CLVS1: variants seen among roughly 807,000 people sequenced by gnomAD.
The protein encoded by CLVS1 is clavesin-1.
In CLVS1, 10 loss-of-function variants were observed where a neutral mutation model predicts 33.1. That is an observed-to-expected ratio of 0.30 (90% CI 0.19 to 0.51). The LOEUF (loss-of-function observed/expected upper bound fraction) is 0.51, where lower values mean the gene tolerates loss of function less well. Among genes scored for constraint, CLVS1 ranks in the 20% least tolerant of loss-of-function variants. CLVS1 has a pLI of 0.97. For synonymous variants in CLVS1, 163 were observed against 166.1 expected, an observed-to-expected ratio of 0.98 and a Z score of 0.14; for missense variants, 343 against 433.4, an observed-to-expected ratio of 0.79 and a Z score of 1.85.
At chr8:61,166,884 T>C (rs1233894557) in intron 2 of CLVS1, among the ~76,000 whole-genome samples, 5 of 150,678 alleles carry the variant, frequency 3.3e-5, no homozygotes, top group South Asian at 4.1e-4. Flanking sequence ...TTTTTTTCTT[T>C]TTTTTCTTTT....
At chr8:61,270,654 T>C (rs1201819518) in intron 2 of CLVS1, among the ~76,000 whole-genome samples, 2 of 152,194 alleles carry the variant, frequency 1.3e-5, no homozygotes, top group Non-Finnish European at 2.9e-5. Context: ...TGGACTCTTT[T>C]TGGTTGGTAA....
chr8:60,988,632 A>G, the CLVS1 span, among the ~76,000 whole-genome samples: 52 of 152,336 alleles, frequency 3.4e-4, 1 homozygote, highest in African/African-American at 1.1e-3. Flanking sequence ...GCTTTACAGT[A>G]TCCATAGCAG....
chr8:61,433,183 G>A (rs1421845169), intron 3 of CLVS1, among the ~76,000 whole-genome samples: 2 of 152,154 alleles, frequency 1.3e-5, no homozygotes, highest in Non-Finnish European at 2.9e-5. Flanking sequence ...CAAACTCCTG[G>A]GTCCAAGTGA....
At chr8:61,215,572 A>G (rs1037221464) in intron 2 of CLVS1, among the ~76,000 whole-genome samples, 1 of 151,996 alleles carries the variant, frequency 6.6e-6, no homozygotes, top group African/African-American at 2.4e-5. Context: ...TTGCACTTTA[A>G]TTTTCATCAA....
intron 1 of CLVS1, among the ~76,000 whole-genome samples, chr8:61,085,110 G>C (rs56707741): frequency 0.076 from 11,508 of 152,258 alleles, 481 homozygotes; most frequent in Middle Eastern, 0.13. Flanking sequence ...GAAAATATGA[G>C]AAATGATGCA....
the CLVS1 span, among the ~76,000 whole-genome samples, chr8:60,982,515 A>G: frequency 6.6e-6 from 1 of 152,224 alleles, no homozygotes; most frequent in African/African-American, 2.4e-5. Context: ...TAGACAGCAT[A>G]TAATTGCCTC....
chr8:60,967,565 A>G, the CLVS1 span: 13 of 450,244 alleles, frequency 2.9e-5, no homozygotes, highest in South Asian at 2.0e-4. Flanking sequence ...GGTGCAGTGC[A>G]TACTTACCCT....
In CLVS1 at chr8:61,370,925, A is replaced by G. The variant is rs148823360; in HGVS notation, c.456-5680A>G. Among the ~76,000 whole-genome samples, 1,180 of 152,216 alleles carry G rather than the reference A, an allele frequency of 7.8e-3. 16 individuals carry two copies. The highest frequency in any genetic ancestry group is 0.026 in the African/African-American group (1,099 of 41,522). ...TGATGGACATTTGGGCTGATTCCAT[A>G]TTTTTGAAATTGCAAATTATCCCAC... On this transcript the variant is annotated intron_variant, in intron 2 of 5. Coordinates refer to ENST00000325897, the MANE Select transcript of CLVS1 (RefSeq NM_173519.3).
chr8:61,149,551 C>CAAAAAAA lies in CLVS1; in HGVS notation c.-152+17702_-152+17708dup, dbSNP rs1166606940. On this transcript the variant is annotated intron_variant, in intron 2 of 2. Coordinates refer to the CLVS1 transcript ENST00000522621. Reference sequence around the variant, plus strand: ...TAGGCGACAGAACGAGACTCTGTCTCAAAAAAAAAAAAAAAAACAAAAAAC... The same window carrying CAAAAAAA: ...TAGGCGACAGAACGAGACTCTGTCTCAAAAAAAAAAAAAAAAAAAAAAAACAAAAAAC... Among the ~76,000 whole-genome samples, 77 of 51,128 alleles carry CAAAAAAA rather than the reference C, an allele frequency of 1.5e-3. 2 individuals are homozygous for CAAAAAAA. Among genetic ancestry groups the CAAAAAAA allele is most frequent in the African/African-American group, 2.3e-3 (37 of 16,024 alleles). The allele number at this position is 51,128 out of a possible 152,430, so 33.5% of individuals were successfully genotyped here. A position where few individuals can be genotyped will look rare whatever the true frequency, so the allele number is the denominator to read the frequency against.
chr8:61,253,895 T>C (rs894209603), intron 2 of CLVS1, among the ~76,000 whole-genome samples: 41 of 152,086 alleles, frequency 2.7e-4, no homozygotes, highest in Middle Eastern at 3.4e-3. Flanking sequence ...GTAGTTTGAT[T>C]GTCTGAAGCC....
intron 2 of CLVS1, among the ~76,000 whole-genome samples, chr8:61,170,027 C>T (rs1354293478): frequency 6.6e-6 from 1 of 152,222 alleles, no homozygotes; most frequent in South Asian, 2.1e-4. Flanking sequence ...AAGCTGCACA[C>T]ATTTAAAGTG....
At chr8:61,273,957 C>T (rs1020303902) in intron 2 of CLVS1, 269 of 160,142 alleles carry the variant, frequency 1.7e-3, no homozygotes, top group Non-Finnish European at 2.8e-3. Flanking sequence ...TCTTCTGCGT[C>T]GCTCACGCTG....
At chr8:61,137,913 C>T (rs905973109) in intron 2 of CLVS1, among the ~76,000 whole-genome samples, 3 of 152,146 alleles carry the variant, frequency 2.0e-5, no homozygotes, top group African/African-American at 7.2e-5. Flanking sequence ...GGGATCTCCT[C>T]TCATGGATGC....
chr8:61,342,966 G>T (rs1812077447), intron 2 of CLVS1, among the ~76,000 whole-genome samples: 1 of 152,224 alleles, frequency 6.6e-6, no homozygotes, highest in African/African-American at 2.4e-5. Flanking sequence ...GAGAAACATG[G>T]ACACAACATT....
At chr8:61,125,722 C>T (rs555675961) in intron 1 of CLVS1, among the ~76,000 whole-genome samples, 1 of 152,256 alleles carries the variant, frequency 6.6e-6, no homozygotes, top group South Asian at 2.1e-4. Flanking sequence ...AGAGCAAGTT[C>T]CCACTTAGTA....
intron 3 of CLVS1, among the ~76,000 whole-genome samples, chr8:61,399,016 G>A (rs779177720): frequency 1.3e-5 from 2 of 152,116 alleles, no homozygotes; most frequent in Non-Finnish European, 1.5e-5. Flanking sequence ...GAACATACAC[G>A]TGAATGTATC....
chr8:61,272,363 G>A (rs527562568), intron 2 of CLVS1, among the ~76,000 whole-genome samples: 149 of 152,266 alleles, frequency 9.8e-4, no homozygotes, highest in African/African-American at 3.3e-3. Context: ...TGAGAGATCC[G>A]CTGTTAGTCT....
rs546223484 is a variant in CLVS1 at position 61,242,085 on chromosome 8, C to T, written c.-151-57592C>T. Among the ~76,000 whole-genome samples, 9 of 151,942 alleles carry T rather than the reference C, an allele frequency of 5.9e-5. 1 individual carries two copies. In the South Asian group the frequency reaches 1.9e-3, roughly 32 times the overall value. On this transcript the variant is annotated intron_variant, in intron 2 of 2. Transcript: ENST00000522621. ...GCTTCTTTAAAGATTTTCTACCCAT[C>T]TTGAGTTTTTAGCAGTTTAGCTATG...
At chr8:60,971,474 T>G in the CLVS1 span, among the ~76,000 whole-genome samples, 1 of 152,248 alleles carries the variant, frequency 6.6e-6, no homozygotes, top group African/African-American at 2.4e-5. Flanking sequence ...CTCACTTTGA[T>G]TTTAACTTTT....
Sources: allele counts gnomAD v4.1 joint callset (sites outside exome capture counted in the v4.1 genomes callset), GRCh38; gene constraint gnomAD v4.1.1; transcripts MANE v1.5; gene names NCBI Gene and HGNC (gene_info 2026-07-23, HGNC 2026-07-21).